The following CRPPA variants were observed in gnomAD, a reference collection of about 807,000 sequenced individuals.
The protein encoded by CRPPA is CDP-L-ribitol pyrophosphorylase A.
CRPPA carries 43 observed loss-of-function variants against 52.0 expected under a neutral mutation model. That is an observed-to-expected ratio of 0.83 (90% CI 0.65 to 1.07). The LOEUF (loss-of-function observed/expected upper bound fraction) is 1.07. Among genes scored for constraint, CRPPA ranks in the 50% least tolerant of loss-of-function variants. The probability of loss-of-function intolerance (pLI) is 0.00; values close to 1 mark genes in which losing one functional copy is unlikely to be tolerated. For missense variants in CRPPA, 629 were observed against 551.7 expected (o/e 1.14, Z -1.40); for synonymous variants, 250 against 203.5 (o/e 1.23, Z -1.94).
intron 8 of CRPPA, among the ~76,000 whole-genome samples, chr7:16,219,955 C>T (rs1481763681): frequency 6.8e-6 from 1 of 147,714 alleles, no homozygotes; most frequent in African/African-American, 2.5e-5. Flanking sequence ...AGGCCAACAT[C>T]ATTCTGATAC....
chr7:16,367,246 T>C lies in CRPPA; in HGVS notation c.684+8846A>G, dbSNP rs182918845. ...CTCCCTGTGCCCACTGTGCCCCCTA[T>C]CCTAAAACTCAATGTGACATGAGGT... On this transcript the variant is annotated intron_variant, in intron 3 of 9. Transcript: ENST00000407010. Among the ~76,000 whole-genome samples the C allele has an allele frequency of 1.3e-3, 203 of 152,148 alleles. 1 individual carries two copies. The highest frequency in any genetic ancestry group is 1.9e-3 in the Non-Finnish European group (127 of 68,002).
rs545238351 is a variant in CRPPA at position 16,324,253 on chromosome 7, T to G, written c.685-15626A>C. On this transcript the variant is annotated intron_variant, in intron 3 of 9. Transcript: ENST00000407010. ...CTAAGATGTGGTCCCCTAGTCAAGA[T>G]GAACTCCATATTACAGACAGCTGCA... Among the ~76,000 whole-genome samples the G allele has an allele frequency of 2.0e-5, 3 of 152,292 alleles. No individual in the cohort carries two copies. In the South Asian group the frequency reaches 6.2e-4, roughly 32 times the overall value.
intron 8 of CRPPA, among the ~76,000 whole-genome samples, chr7:16,238,121 T>C (rs1334542107): frequency 1.2e-4 from 18 of 152,186 alleles, no homozygotes; most frequent in Admixed American, 1.2e-3. Context: ...TATGAATCCT[T>C]ATTTTAGAAA....
intron 8 of CRPPA, among the ~76,000 whole-genome samples, chr7:16,250,920 C>CACAG (rs1244273225): frequency 6.6e-6 from 1 of 152,066 alleles, no homozygotes; most frequent in Non-Finnish European, 1.5e-5. Context: ...ATTTAAAAGA[C>CACAG]ACAGACTGGC....
chr7:16,352,495 T>G (rs1240098677), intron 3 of CRPPA, among the ~76,000 whole-genome samples: 1 of 151,936 alleles, frequency 6.6e-6, no homozygotes, highest in Non-Finnish European at 1.5e-5. Flanking sequence ...CAGATATATT[T>G]GAAAAGAAAA....
At chr7:16,361,146 C>G (rs973476777) in intron 3 of CRPPA, among the ~76,000 whole-genome samples, 6 of 152,088 alleles carry the variant, frequency 3.9e-5, no homozygotes, top group African/African-American at 1.4e-4. Context: ...AAATGCAAAT[C>G]AAAACCACAA....
chr7:16,251,986 A>G (rs1425365990), intron 8 of CRPPA, among the ~76,000 whole-genome samples: 2 of 152,166 alleles, frequency 1.3e-5, no homozygotes, highest in Non-Finnish European at 2.9e-5. Flanking sequence ...CGCTAGCCAG[A>G]CTAATAAAAA....
At chr7:16,317,074 T>C (rs535371376) in intron 3 of CRPPA, among the ~76,000 whole-genome samples, 1 of 152,268 alleles carries the variant, frequency 6.6e-6, no homozygotes, top group African/African-American at 2.4e-5. Flanking sequence ...TGTCCTTGAA[T>C]AGGATTTGCT....
chr7:16,100,768 G>A (rs1282281175), intron 9 of CRPPA, among the ~76,000 whole-genome samples: 1 of 152,148 alleles, frequency 6.6e-6, no homozygotes. Context: ...TGCCCATTCA[G>A]TATGATATTG....
chr7:16,251,009 CAAAAT>C (rs776211438), intron 8 of CRPPA, among the ~76,000 whole-genome samples: 1 of 150,254 alleles, frequency 6.7e-6, no homozygotes, highest in Non-Finnish European at 1.5e-5. Flanking sequence ...TACATACACT[CAAAAT>C]AAAAGGATAG....
intron 6 of CRPPA, among the ~76,000 whole-genome samples, chr7:16,271,192 T>TTCAGAGTATAGA (rs1784081958): frequency 6.6e-6 from 1 of 152,168 alleles, no homozygotes; most frequent in Non-Finnish European, 1.5e-5. Flanking sequence ...TCCCTGTTTG[T>TTCAGAGTATAGA]TCAGAGTATA....
chr7:16,400,542 C>G (rs562096076), intron 2 of CRPPA, among the ~76,000 whole-genome samples: 2 of 152,188 alleles, frequency 1.3e-5, no homozygotes, highest in African/African-American at 2.4e-5. Context: ...ACTACTGACA[C>G]GTCGACACGA....
At chr7:16,420,964 G>T in intron 1 of CRPPA, 102 bp downstream of exon 1, 1 of 1,045,510 alleles carries the variant, frequency 9.6e-7, no homozygotes, top group Non-Finnish European at 1.2e-6. Context: ...AGCGCGGCCC[G>T]GCAGTCCCCC....
chr7:16,247,939 G>A (rs533019855), intron 8 of CRPPA: 2 of 152,100 alleles, frequency 1.3e-5, no homozygotes, highest in East Asian at 1.9e-4. Context: ...TGGGACACAC[G>A]AGATGGAACT....
intron 8 of CRPPA, among the ~76,000 whole-genome samples, chr7:16,241,971 T>TGG (rs1284124770): frequency 2.3e-5 from 2 of 86,184 alleles, no homozygotes; most frequent in South Asian, 3.5e-4. Flanking sequence ...TTTTTTTTGT[T>TGG]GGGGGGAGAT....
At chr7:16,124,091 T>C (rs1044739532) in intron 9 of CRPPA, among the ~76,000 whole-genome samples, 4 of 148,022 alleles carry the variant, frequency 2.7e-5, no homozygotes, top group Non-Finnish European at 5.9e-5. Context: ...CTGGATCATA[T>C]AGGCTCAATT....
At chr7:16,374,973 T>C (rs1440919501) in intron 3 of CRPPA, among the ~76,000 whole-genome samples, 1 of 152,196 alleles carries the variant, frequency 6.6e-6, no homozygotes, top group Non-Finnish European at 1.5e-5. Context: ...ACACTGGTAA[T>C]CTCACATTTC....
At chr7:16,264,416 G>C (rs996076920) in intron 6 of CRPPA, among the ~76,000 whole-genome samples, 3 of 152,090 alleles carry the variant, frequency 2.0e-5, no homozygotes, top group Non-Finnish European at 2.9e-5. Context: ...TAACAAATAA[G>C]AGTTTAGGAA....
At chr7:16,358,921 A>G (rs1173899798) in intron 3 of CRPPA, among the ~76,000 whole-genome samples, 3 of 152,238 alleles carry the variant, frequency 2.0e-5, no homozygotes, top group Non-Finnish European at 4.4e-5. Flanking sequence ...ATGTCAGTAA[A>G]ATGACAACTT....
Sources: gnomAD v4.1 joint callset for allele counts (sites outside exome capture counted in the v4.1 genomes callset) on GRCh38, gnomAD v4.1.1 for gene constraint, MANE v1.5 for transcripts, NCBI Gene and HGNC (gene_info 2026-07-23, HGNC 2026-07-21) for gene names.